PLEKHJ1: variants seen among roughly 807,000 people sequenced by gnomAD.
PLEKHJ1 encodes pleckstrin homology domain-containing family J member 1.
PLEKHJ1 carries 20 observed loss-of-function variants against 21.7 expected under a neutral mutation model. That is an observed-to-expected ratio of 0.92 (90% confidence interval 0.65 to 1.34). The LOEUF is 1.34. Among genes scored for constraint, PLEKHJ1 ranks in the 40% most tolerant of loss-of-function variants. The probability of loss-of-function intolerance (pLI) is 0.00; values close to 1 mark genes in which losing one functional copy is unlikely to be tolerated. For missense variants in PLEKHJ1, 241 were observed against 202.0 expected (o/e 1.19, Z -1.17); for synonymous variants, 113 against 80.6 (o/e 1.40, Z -2.15).
In PLEKHJ1 at chr19:2,236,204, C is replaced by T; in HGVS notation, c.45G>A (p.Pro15=). Residue 15 remains proline (P), a synonymous_variant, in exon 1 of 6, where the codon CCG becomes CCA. Coordinates refer to ENST00000326631, the MANE Select transcript of PLEKHJ1 (RefSeq NM_018049.3). ...EKELQALSRQ[P]AEMAAELGMR... ...TGCCCAGCTCGGCCGCCATCTCGGCCGGCTGCCGGGACAGAGCCTGCAGCT... is the reference window on the plus strand; with the variant it reads ...TGCCCAGCTCGGCCGCCATCTCGGCTGGCTGCCGGGACAGAGCCTGCAGCT... 1 of 1,477,168 alleles carries T rather than the reference C, an allele frequency of 6.8e-7. No homozygotes were observed. The highest frequency in any genetic ancestry group is 2.7e-5 in the Admixed American group (1 of 37,306). The allele number at this position is 1,477,168 out of a possible 1,614,324, so 91.5% of individuals were successfully genotyped here.
At chr19:2,230,358 C>T (rs762295853), downstream of PLEKHJ1, 25 of 411,764 alleles carry the variant, frequency 6.1e-5, no homozygotes, top group East Asian at 1.4e-4. Flanking sequence ...AGCGCCCTGG[C>T]GCCTGCCCTG....
chr19:2,230,199 C>G (rs890537090), downstream of PLEKHJ1: 26 of 466,750 alleles, frequency 5.6e-5, no homozygotes, highest in Non-Finnish European at 9.0e-5. Flanking sequence ...CCTCCACCCG[C>G]TTGGTGCTGA....
chr19:2,230,227 C>T (rs536066149), downstream of PLEKHJ1: 7 of 413,810 alleles, frequency 1.7e-5, no homozygotes, highest in African/African-American at 6.1e-5. Flanking sequence ...CTGACAACGC[C>T]GAACCCCGTT....
At position 2,236,313 on chromosome 19, in the gene PLEKHJ1, C is replaced by T; in HGVS notation, c.-65G>A. ...GCCGCCGTCCCCGCTCAGGCTGGGG[C>T]CGGCGCCAAAAATGTCTCAGGGCGC... On this transcript the variant is annotated 5_prime_UTR_variant, in exon 1 of 6. Transcript: ENST00000326631. 1.9e-6 allele frequency: 2 copies of T among 1,079,822 alleles called. No homozygotes were observed. Among genetic ancestry groups the T allele is most frequent in the Non-Finnish European group, 2.4e-6 (2 of 821,346 alleles). The allele number at this position is 1,079,822 out of a possible 1,614,324, so 66.9% of individuals were successfully genotyped here.
rs1357412235 is a variant in PLEKHJ1, at chr19:2,235,938, C to A, written c.147G>T (p.Arg49=). 11 of 1,610,226 alleles carry A rather than the reference C, an allele frequency of 6.8e-6. No individual in the cohort carries two copies. Among genetic ancestry groups the A allele is most frequent in the East Asian group, 4.5e-5 (2 of 44,780 alleles). The change falls in exon 2 of 6, where the codon CGG becomes CGT. Residue 49 remains arginine, a synonymous_variant. Transcript: ENST00000326631. ...ACGCCCCTACCTCGGCCTCGTCTGT[C>A]CGAAAGTAGAAGAGGAAATTCACCA... ...KLVVNFLFYF[R]TDEAEPVGAL... is the part of the protein sequence containing the mutation.
chr19:2,236,031 G>A lies in PLEKHJ1; in HGVS notation c.95-41C>T, dbSNP rs767145735. The A allele has an allele frequency of 1.0e-5, 16 of 1,551,146 alleles. No individual in the cohort carries two copies. The African/African-American group carries it at 2.0e-4, about 19-fold the overall frequency. ...GCACTCAGGGGCGCAGGCAGCCCCC[G>A]CCCGGACCCCGGCCTCCCGTCCCCG... is the stretch of plus-strand genomic sequence containing the variant. On this transcript the variant is annotated intron_variant, in intron 1 of 5. Coordinates refer to ENST00000326631, the MANE Select transcript of PLEKHJ1 (RefSeq NM_018049.3).
downstream of PLEKHJ1, chr19:2,230,202 G>A (rs1421423665): frequency 4.5e-6 from 2 of 444,350 alleles, no homozygotes; most frequent in Non-Finnish European, 7.9e-6. Context: ...CCACCCGCTT[G>A]GTGCTGACTA....
rs964125105 is a variant in PLEKHJ1 at position 2,236,219 on chromosome 19, A to G, written c.30T>C (p.Ala10=). The G allele has an allele frequency of 1.4e-6, 2 of 1,470,986 alleles. No individual in the cohort carries two copies. Among genetic ancestry groups the G allele is most frequent in the Non-Finnish European group, 1.8e-6 (2 of 1,115,122 alleles). The allele number at this position is 1,470,986 out of a possible 1,614,324, so 91.1% of individuals were successfully genotyped here. The change falls in exon 1 of 6, where the codon GCT becomes GCC. Residue 10 remains alanine (A), a synonymous_variant. Coordinates refer to ENST00000326631, the MANE Select transcript of PLEKHJ1 (RefSeq NM_018049.3). MRYNEKELQ[A]LSRQPAEMAA... ...CCATCTCGGCCGGCTGCCGGGACAG[A>G]GCCTGCAGCTCCTTCTCGTTGTACC...
chr19:2,232,964 T>C (rs740407), downstream of PLEKHJ1, among the ~76,000 whole-genome samples: 145 of 152,266 alleles, frequency 9.5e-4, 2 homozygotes, highest in East Asian at 0.024. Flanking sequence ...ACAGGATTCC[T>C]GATACCACAC....
chr19:2,232,787 G>A (rs1198908137), downstream of PLEKHJ1, among the ~76,000 whole-genome samples: 5 of 152,116 alleles, frequency 3.3e-5, no homozygotes, highest in Non-Finnish European at 5.9e-5. Context: ...AGGCTTATGA[G>A]GGCACCAGGC....
chr19:2,235,448 C>T, intron 3 of PLEKHJ1: 1 of 429,236 alleles, frequency 2.3e-6, no homozygotes. Flanking sequence ...ACCCATGCTA[C>T]TCTTGGCAGC....
downstream of PLEKHJ1, chr19:2,232,595 G>A (rs1229514549): frequency 4.1e-5 from 8 of 195,414 alleles, no homozygotes; most frequent in Admixed American, 1.2e-4. Flanking sequence ...GTGAATGGCA[G>A]CCTTTCTTCC....
At chr19:2,234,411 T>A in intron 3 of PLEKHJ1, 171 bp from the exon 4 acceptor site, 1 of 585,028 alleles carries the variant, frequency 1.7e-6, no homozygotes, top group East Asian at 2.8e-5. Context: ...GCATATAAAC[T>A]AGTCAAAATG....
chr19:2,231,541 T>G (rs2024597790), downstream of PLEKHJ1: 1 of 202,334 alleles, frequency 4.9e-6, no homozygotes, highest in African/African-American at 2.3e-5. Context: ...ATAGCTGAGT[T>G]CTGAAGATGG....
downstream of PLEKHJ1, among the ~76,000 whole-genome samples, chr19:2,232,867 T>C (rs1267215967): frequency 6.6e-6 from 1 of 152,194 alleles, no homozygotes; most frequent in Non-Finnish European, 1.5e-5. Flanking sequence ...CAAAGTCCTT[T>C]TCACATCAGA....
In PLEKHJ1 at chr19:2,235,566, G is replaced by C. The variant is rs980047392; in HGVS notation, c.229+196C>G. ...GAGGGACCCAAGCTTAAGTGGACTC[G>C]GCAGGTGGGAAGGGTGGTGCCCGCC... On this transcript the variant is annotated intron_variant, in intron 3 of 5. Transcript: ENST00000326631. The C allele has an allele frequency of 1.2e-5, 7 of 594,116 alleles. No individual in the cohort carries two copies. The African/African-American group carries it at 1.3e-4, about 11-fold the overall frequency. 36.8% of individuals were successfully genotyped at this position (594,116 alleles called of 1,614,324 possible).
chr19:2,233,863 G>A lies in PLEKHJ1; in HGVS notation c.427C>T (p.Gln143Ter). ...GCTCACGCCTGCAAGCCACTCAGCT[G>A]GAACCTGGCCTCCTCGGATATGCCG... ...QFGISEEARF[Q>*]LSGLQA is the part of the protein sequence containing the mutation. The change falls in exon 6 of 6, where the codon CAG becomes TAG. Residue 143 changes from glutamine to a stop codon, truncating the protein, a stop_gained. Coordinates refer to ENST00000326631, the MANE Select transcript of PLEKHJ1 (RefSeq NM_018049.3). LOFTEE classifies it high-confidence loss of function. The A allele has an allele frequency of 6.2e-7, 1 of 1,611,650 alleles. No homozygotes were observed. The highest frequency in any genetic ancestry group is 8.5e-7 in the Non-Finnish European group (1 of 1,179,672).
chr19:2,235,407 T>C (rs1392755247), intron 3 of PLEKHJ1: 2 of 255,882 alleles, frequency 7.8e-6, no homozygotes, highest in African/African-American at 2.2e-5. Flanking sequence ...CCACCTGGGA[T>C]TTCCAGCCCG....
chr19:2,230,666 G>C (rs1035947634), downstream of PLEKHJ1: 3 of 398,368 alleles, frequency 7.5e-6, no homozygotes, highest in Admixed American at 8.8e-5. Flanking sequence ...GAGATGTGAT[G>C]AGAATTTATA....
Sources: allele counts gnomAD v4.1 joint callset (sites outside exome capture counted in the v4.1 genomes callset), GRCh38; gene constraint gnomAD v4.1.1; transcripts MANE v1.5; gene names NCBI Gene and HGNC (gene_info 2026-07-23, HGNC 2026-07-21).